ERC2: variants seen among roughly 807,000 people sequenced by gnomAD.
ERC2 encodes the protein ERC protein 2.
ERC2 carries 42 observed loss-of-function variants against 114.8 expected under a neutral mutation model. The ratio of observed to expected loss-of-function variants is 0.37; its 90% confidence interval spans 0.29 to 0.47. The LOEUF (loss-of-function observed/expected upper bound fraction) is 0.47. ERC2 is among the 20% of genes least tolerant of loss of function. ERC2 has a pLI of 0.99. For synonymous variants in ERC2, 454 were observed against 425.5 expected, an observed-to-expected ratio of 1.07 and a Z score of -0.82; for missense variants, 939 against 1,150.7, an observed-to-expected ratio of 0.82 and a Z score of 2.66.
rs543486135 is a variant in ERC2, at chr3:56,213,132, C to T, written c.1075-39612G>A. On this transcript the variant is annotated intron_variant, in intron 3 of 17. Coordinates refer to ENST00000288221, the MANE Select transcript of ERC2 (RefSeq NM_015576.3). ...GTTACTGCATTTCCAACTGAGGTACCGGGTTCATCTCACTGGGGATCTTCG... is the reference window on the plus strand; with the variant it reads ...GTTACTGCATTTCCAACTGAGGTACTGGGTTCATCTCACTGGGGATCTTCG... Among the ~76,000 whole-genome samples, 17 of 152,200 alleles carry T rather than the reference C, an allele frequency of 1.1e-4. No individual in the cohort carries two copies. In the East Asian group the frequency reaches 2.1e-3, roughly 19 times the overall value.
intron 7 of ERC2, among the ~76,000 whole-genome samples, chr3:56,078,696 C>G (rs1442835729): frequency 6.6e-6 from 1 of 152,076 alleles, no homozygotes; most frequent in African/African-American, 2.4e-5. Context: ...CTACCCAAGA[C>G]TTTAACTCTG....
At chr3:55,600,811 C>A (rs2058366569) in intron 17 of ERC2, among the ~76,000 whole-genome samples, 1 of 152,186 alleles carries the variant, frequency 6.6e-6, no homozygotes, top group Non-Finnish European at 1.5e-5. Flanking sequence ...TCACCTAGAG[C>A]CATTAAGTCA....
At chr3:55,863,088 A>T (rs762685590) in intron 14 of ERC2, among the ~76,000 whole-genome samples, 3 of 151,998 alleles carry the variant, frequency 2.0e-5, no homozygotes, top group Non-Finnish European at 2.9e-5. Flanking sequence ...CTTAGCTGGG[A>T]TTAGGGGAGC....
chr3:55,549,642 G>A (rs1194825089), intron 17 of ERC2, among the ~76,000 whole-genome samples: 1 of 151,858 alleles, frequency 6.6e-6, no homozygotes, highest in Non-Finnish European at 1.5e-5. Flanking sequence ...GAATGATTGG[G>A]TCAAGGTGCC....
rs540751140 is a variant in ERC2, at chr3:55,993,504, GA to G, written c.2062-1255del. ...TGACAGTCTTTGCAATGATTTAATA[GA>G]AAAAAAATTCAAAAATTAGTATAAA... On this transcript the variant is annotated intron_variant, in intron 10 of 17. Transcript: ENST00000288221. Among the ~76,000 whole-genome samples, 50 of 151,328 alleles carry G rather than the reference GA, an allele frequency of 3.3e-4. No individual in the cohort carries two copies. In the South Asian group the frequency reaches 4.0e-3, roughly 12 times the overall value.
intron 3 of ERC2, among the ~76,000 whole-genome samples, chr3:56,200,774 A>AAATCCCC (rs755097379): frequency 4.6e-5 from 7 of 152,224 alleles, no homozygotes; most frequent in Non-Finnish European, 8.8e-5. Flanking sequence ...TCAGGAGCTG[A>AAATCCCC]AATCCCCAAC....
chr3:56,172,745 C>T (rs934664692), intron 4 of ERC2, among the ~76,000 whole-genome samples: 45 of 152,250 alleles, frequency 3.0e-4, no homozygotes, highest in African/African-American at 1.1e-3. Flanking sequence ...TTTTAAATTT[C>T]TAGATACTAG....
chr3:56,063,464 T>C (rs935743027), intron 7 of ERC2, among the ~76,000 whole-genome samples: 2 of 152,228 alleles, frequency 1.3e-5, no homozygotes, highest in Non-Finnish European at 2.9e-5. Context: ...GGATTTTTTG[T>C]ATAAAATAAT....
rs145416149 is a variant in ERC2 at position 56,186,180 on chromosome 3, T to C, written c.1075-12660A>G. On this transcript the variant is annotated intron_variant, in intron 3 of 17. Coordinates refer to ENST00000288221, the MANE Select transcript of ERC2 (RefSeq NM_015576.3). ...CTGATGATACTTAATTTTGACCTTGTAGAACTTGAAGCAAAAAATCTAGTT... is the reference window on the plus strand; with the variant it reads ...CTGATGATACTTAATTTTGACCTTGCAGAACTTGAAGCAAAAAATCTAGTT... 2.4e-4 allele frequency among the ~76,000 whole-genome samples: 36 copies of C among 148,406 alleles called. No homozygotes were observed. The East Asian group carries it at 7.1e-3, about 29-fold the overall frequency.
rs370683995 is a variant in ERC2, at chr3:56,311,231, TTCTCTCTCTCTCTC to T, written c.658-14810_658-14797del. On this transcript the variant is annotated intron_variant, in intron 2 of 17. Coordinates refer to ENST00000288221, the MANE Select transcript of ERC2 (RefSeq NM_015576.3). The stretch of plus-strand genomic sequence containing the variant: ...CAGTGTTCTTGGGATATCCATCATC[TTCTCTCTCTCTCTC>T]TCTCTCTCTCTATATATATATATAT... Among the ~76,000 whole-genome samples the T allele has an allele frequency of 5.9e-3, 571 of 95,998 alleles. 5 individuals are homozygous for T. Among genetic ancestry groups the T allele is most frequent in the Middle Eastern group, 0.026 (4 of 154 alleles). 63.0% of individuals were successfully genotyped at this position (95,998 alleles called of 152,430 possible). A position where few individuals can be genotyped will look rare whatever the true frequency, so the allele number is the denominator to read the frequency against.
At chr3:55,707,150 G>A (rs2063534890) in intron 15 of ERC2, among the ~76,000 whole-genome samples, 2 of 152,090 alleles carry the variant, frequency 1.3e-5, no homozygotes, top group Middle Eastern at 3.2e-3. Context: ...GTTGCTTTCT[G>A]TGGCCAGGCG....
At chr3:56,165,522 T>C (rs2082279362) in intron 4 of ERC2, among the ~76,000 whole-genome samples, 1 of 147,378 alleles carries the variant, frequency 6.8e-6, no homozygotes. Flanking sequence ...ATATAGCATT[T>C]CATTGTATGA....
chr3:56,327,374 G>A (rs992088539), intron 2 of ERC2, among the ~76,000 whole-genome samples: 2 of 152,106 alleles, frequency 1.3e-5, no homozygotes, highest in Admixed American at 6.6e-5. Flanking sequence ...AGAACAGCAC[G>A]GGGGAAACTG....
intron 4 of ERC2, among the ~76,000 whole-genome samples, chr3:56,165,313 G>A (rs1290475916): frequency 6.6e-6 from 1 of 151,828 alleles, no homozygotes; most frequent in Non-Finnish European, 1.5e-5. Context: ...ATTGCATATG[G>A]CAATAGCTTT....
At chr3:56,065,656 G>A (rs2076440753) in intron 7 of ERC2, among the ~76,000 whole-genome samples, 1 of 151,982 alleles carries the variant, frequency 6.6e-6, no homozygotes. Flanking sequence ...TAAGCCCAGT[G>A]TGCATTAGCT....
intron 8 of ERC2, 75 bp from the exon 9 acceptor site, chr3:56,010,664 TA>T: frequency 6.8e-7 from 1 of 1,464,098 alleles, no homozygotes; most frequent in Non-Finnish European, 9.2e-7. Flanking sequence ...TAAAAGAAAA[TA>T]AGAGGCAGTA....
chr3:55,544,839 T>A (rs1304402779), intron 17 of ERC2, among the ~76,000 whole-genome samples: 1 of 152,182 alleles, frequency 6.6e-6, no homozygotes, highest in African/African-American at 2.4e-5. Flanking sequence ...TGTTACCTCA[T>A]CATATCCTCA....
chr3:55,602,555 G>A (rs1208910123), intron 17 of ERC2, among the ~76,000 whole-genome samples: 2 of 152,218 alleles, frequency 1.3e-5, no homozygotes, highest in Non-Finnish European at 2.9e-5. Context: ...AGTCTCTGCA[G>A]GAGAAGCGCT....
intron 7 of ERC2, among the ~76,000 whole-genome samples, chr3:56,044,896 A>G (rs1041892283): frequency 2.6e-5 from 4 of 152,148 alleles, no homozygotes; most frequent in Admixed American, 6.6e-5. Context: ...AGCACCCTAC[A>G]TCGTTATTTG....
Sources: gnomAD v4.1 joint callset for allele counts (sites outside exome capture counted in the v4.1 genomes callset) on GRCh38, gnomAD v4.1.1 for gene constraint, MANE v1.5 for transcripts, NCBI Gene and HGNC (gene_info 2026-07-23, HGNC 2026-07-21) for gene names.